Variants in DPP6 observed in about 807,000 individuals in gnomAD.
The protein encoded by DPP6 is A-type potassium channel modulatory protein DPP6.
DPP6 carries 69 observed loss-of-function variants against 122.6 expected under a neutral mutation model. That is an observed-to-expected ratio of 0.56 (90% CI 0.46 to 0.69). The LOEUF (loss-of-function observed/expected upper bound fraction) is 0.69. Ranked by LOEUF, DPP6 falls within the 30% of genes least tolerant of loss-of-function variation. DPP6 has a pLI of 0.00. For missense variants in DPP6, 928 were observed against 1,116.9 expected (o/e 0.83, Z 2.41); for synonymous variants, 418 against 433.1 (o/e 0.97, Z 0.43).
At chr7:154,741,744 T>G (rs765365629) in intron 8 of DPP6, among the ~76,000 whole-genome samples, 2 of 152,196 alleles carry the variant, frequency 1.3e-5, no homozygotes, top group Non-Finnish European at 2.9e-5. Context: ...ATCAGCTCTT[T>G]CTCTGCTCAC....
chr7:154,650,103 T>C (rs917651403), intron 6 of DPP6, among the ~76,000 whole-genome samples: 1 of 152,172 alleles, frequency 6.6e-6, no homozygotes, highest in African/African-American at 2.4e-5. Context: ...GAGGATCTCT[T>C]GAGCCCAGGA....
intron 10 of DPP6, among the ~76,000 whole-genome samples, chr7:154,783,438 C>T (rs1797148583): frequency 1.3e-5 from 2 of 152,162 alleles, no homozygotes; most frequent in Non-Finnish European, 1.5e-5. Context: ...CATGCAGACA[C>T]CAACAGGTTT....
chr7:154,305,081 C>G (rs1187495031), intron 1 of DPP6: 1 of 161,594 alleles, frequency 6.2e-6, no homozygotes, highest in Non-Finnish European at 1.1e-5. Flanking sequence ...AGCCCCAGCC[C>G]CAGCCCGGCT....
chr7:153,982,321 CT>C (rs1796627775), intron 1 of DPP6, among the ~76,000 whole-genome samples: 1 of 151,594 alleles, frequency 6.6e-6, no homozygotes, highest in South Asian at 2.1e-4. Context: ...ACCCCTTCTT[CT>C]GCTTGATTGC....
intron 16 of DPP6, among the ~76,000 whole-genome samples, chr7:154,837,586 C>T (rs945525326): frequency 9.9e-5 from 15 of 152,208 alleles, no homozygotes; most frequent in Non-Finnish European, 1.5e-5. Flanking sequence ...TTTTCTGTCC[C>T]TGGGCCAGTG....
chr7:154,582,782 C>A (rs1832159316), intron 5 of DPP6, among the ~76,000 whole-genome samples: 1 of 152,244 alleles, frequency 6.6e-6, no homozygotes, highest in Non-Finnish European at 1.5e-5. Context: ...CAGCTGCACT[C>A]ACCTCTCTGT....
chr7:154,800,726 C>T (rs1587182288), intron 12 of DPP6, among the ~76,000 whole-genome samples: 1 of 152,124 alleles, frequency 6.6e-6, no homozygotes, highest in South Asian at 2.1e-4. Flanking sequence ...GGAGCGTGTC[C>T]CTGGGACTGC....
At chr7:154,147,268 A>T (rs961921255) in intron 1 of DPP6, among the ~76,000 whole-genome samples, 5 of 152,022 alleles carry the variant, frequency 3.3e-5, no homozygotes, top group Admixed American at 3.3e-4. Flanking sequence ...TCACTAGCTC[A>T]CTTCCTTCCT....
At chr7:153,759,899 C>G in the DPP6 span, among the ~76,000 whole-genome samples, 1 of 131,758 alleles carries the variant, frequency 7.6e-6, no homozygotes, top group Non-Finnish European at 1.5e-5. Flanking sequence ...TTCCACTTCT[C>G]TCTCTCTCTG....
intron 5 of DPP6, among the ~76,000 whole-genome samples, chr7:154,571,709 T>C (rs1831119330): frequency 1.3e-5 from 2 of 152,154 alleles, no homozygotes; most frequent in African/African-American, 4.8e-5. Flanking sequence ...AAGATTTTTT[T>C]CCTAAAATCC....
chr7:153,933,096 CTG>C (rs1446791676), intron 1 of DPP6, among the ~76,000 whole-genome samples: 1 of 152,190 alleles, frequency 6.6e-6, no homozygotes, highest in Non-Finnish European at 1.5e-5. Context: ...CCACATGAAA[CTG>C]TGAGTCCATT....
intron 7 of DPP6, among the ~76,000 whole-genome samples, chr7:154,713,897 C>T (rs1019807787): frequency 2.6e-4 from 40 of 152,192 alleles, no homozygotes; most frequent in Non-Finnish European, 3.7e-4. Flanking sequence ...TCTTTTCTAT[C>T]GCATCATCAG....
At chr7:154,576,261 G>A (rs1181857367) in intron 5 of DPP6, among the ~76,000 whole-genome samples, 3 of 152,084 alleles carry the variant, frequency 2.0e-5, no homozygotes, top group African/African-American at 4.8e-5. Context: ...TGCGTCCACC[G>A]CTGCATAATA....
At chr7:154,254,148 G>A (rs1305964151) in intron 1 of DPP6, among the ~76,000 whole-genome samples, 3 of 152,202 alleles carry the variant, frequency 2.0e-5, no homozygotes, top group Non-Finnish European at 4.4e-5. Flanking sequence ...ATTTATCACA[G>A]CAGCTATTAT....
intron 1 of DPP6, among the ~76,000 whole-genome samples, chr7:154,380,912 G>C (rs1443121630): frequency 6.6e-6 from 1 of 152,214 alleles, no homozygotes; most frequent in African/African-American, 2.4e-5. Flanking sequence ...GGGGTGAGTG[G>C]GTGAGGAGAG....
At chr7:153,842,885 A>G in the DPP6 span, among the ~76,000 whole-genome samples, 1 of 152,302 alleles carries the variant, frequency 6.6e-6, no homozygotes, top group African/African-American at 2.4e-5. Flanking sequence ...AAAATTTTTC[A>G]TTGATATCAC....
At chr7:154,873,944 A>C (rs938688778) in intron 19 of DPP6, among the ~76,000 whole-genome samples, 1 of 145,460 alleles carries the variant, frequency 6.9e-6, no homozygotes, top group African/African-American at 2.6e-5. Context: ...ATGTGCACAC[A>C]TGCACACACA....
rs566771614 is a variant in DPP6 at position 154,079,062 on chromosome 7, T to TC, written c.243+26001dup. ...TCACGCGGTCAGGAGATGGAGACCA[T>TC]CCTGGCCAACATGGTGAAACCCTGT... On this transcript the variant is annotated intron_variant, in intron 1 of 25. Coordinates refer to ENST00000377770, the MANE Select transcript of DPP6 (RefSeq NM_130797.4). Among the ~76,000 whole-genome samples the TC allele has an allele frequency of 2.0e-3, 297 of 151,244 alleles. 1 individual carries two copies. The highest frequency in any genetic ancestry group is 6.9e-3 in the African/African-American group (286 of 41,262).
intron 1 of DPP6, among the ~76,000 whole-genome samples, chr7:154,043,366 C>T (rs1327557361): frequency 2.1e-4 from 22 of 104,160 alleles, no homozygotes; most frequent in Non-Finnish European, 3.8e-4. Context: ...GCACTCCAGC[C>T]TGGGTAAAAA....
Sources: gnomAD v4.1 joint callset for allele counts (sites outside exome capture counted in the v4.1 genomes callset) on GRCh38, gnomAD v4.1.1 for gene constraint, MANE v1.5 for transcripts, NCBI Gene and HGNC (gene_info 2026-07-23, HGNC 2026-07-21) for gene names.